Variants in NSMCE2 observed in about 807,000 individuals in gnomAD.
The protein encoded by NSMCE2 is E3 SUMO-protein ligase NSE2.
A neutral mutation model predicts 23.8 loss-of-function variants in NSMCE2; 24 were observed. The observed-to-expected ratio is 1.01, with a 90% CI of 0.73 to 1.42. The LOEUF is 1.42. Ranked by LOEUF, NSMCE2 falls within the 40% of genes most tolerant of loss-of-function variation. The probability of loss-of-function intolerance (pLI) is 0.00; values close to 1 mark genes in which losing one functional copy is unlikely to be tolerated. For missense variants in NSMCE2, 284 were observed against 296.5 expected (o/e 0.96, Z 0.31); for synonymous variants, 92 against 94.1 (o/e 0.98, Z 0.13).
chr8:125,231,267 CAGT>C (rs956802399), intron 5 of NSMCE2, among the ~76,000 whole-genome samples: 4 of 152,168 alleles, frequency 2.6e-5, no homozygotes, highest in Admixed American at 6.5e-5. Flanking sequence ...AATGAGGATT[CAGT>C]AGATGTGATT....
intron 5 of NSMCE2, among the ~76,000 whole-genome samples, chr8:125,235,711 A>C (rs1825516822): frequency 6.6e-6 from 1 of 152,206 alleles, no homozygotes; most frequent in Non-Finnish European, 1.5e-5. Flanking sequence ...TTTCATGTCA[A>C]ATTGTTTTAT....
chr8:125,321,793 G>T lies in NSMCE2; in HGVS notation c.419-35426G>T, dbSNP rs575462295. 2.7e-4 allele frequency among the ~76,000 whole-genome samples: 41 copies of T among 152,244 alleles called. No individual in the cohort carries two copies. The South Asian group carries it at 8.5e-3, about 32-fold the overall frequency. On this transcript the variant is annotated intron_variant, in intron 5 of 7. Transcript: ENST00000287437. The stretch of plus-strand genomic sequence containing the variant: ...AACAGAGCAAAAAAAGAAAAATCAG[G>T]CCAGGCACAGTGGCTCTTGCCTGTA...
intron 5 of NSMCE2, among the ~76,000 whole-genome samples, chr8:125,235,219 C>T (rs953298888): frequency 2.7e-5 from 4 of 149,398 alleles, no homozygotes; most frequent in Non-Finnish European, 5.9e-5. Flanking sequence ...CCAGCCTGAG[C>T]AACAGAGTGA....
At chr8:125,238,002 A>G (rs1163489797) in intron 5 of NSMCE2, among the ~76,000 whole-genome samples, 3 of 152,300 alleles carry the variant, frequency 2.0e-5, no homozygotes, top group East Asian at 1.9e-4. Context: ...CCACACCTGT[A>G]TGGATGAAGA....
intron 3 of NSMCE2, among the ~76,000 whole-genome samples, chr8:125,103,438 T>C (rs1586427900): frequency 6.6e-6 from 1 of 152,250 alleles, no homozygotes; most frequent in African/African-American, 2.4e-5. Context: ...TTGAGCAATT[T>C]GTGATGTGCC....
intron 5 of NSMCE2, among the ~76,000 whole-genome samples, chr8:125,309,101 G>T (rs1828872371): frequency 6.6e-6 from 1 of 152,168 alleles, no homozygotes; most frequent in Non-Finnish European, 1.5e-5. Flanking sequence ...AAAAAATTTA[G>T]TTGGGCATGG....
chr8:125,225,886 A>G (rs903861629), intron 5 of NSMCE2, among the ~76,000 whole-genome samples: 4 of 152,228 alleles, frequency 2.6e-5, no homozygotes, highest in African/African-American at 9.6e-5. Flanking sequence ...ATTTCCAGAT[A>G]CAATATTATC....
chr8:125,271,296 T>C (rs1449377159), intron 5 of NSMCE2, among the ~76,000 whole-genome samples: 2 of 148,840 alleles, frequency 1.3e-5, no homozygotes, highest in African/African-American at 4.9e-5. Flanking sequence ...AGTGATGAGG[T>C]AAGTAGTGAG....
chr8:125,244,533 G>T (rs1825884282), intron 5 of NSMCE2, among the ~76,000 whole-genome samples: 1 of 152,026 alleles, frequency 6.6e-6, no homozygotes, highest in Non-Finnish European at 1.5e-5. Flanking sequence ...ATTCGAATTG[G>T]CTTTTAAAAA....
chr8:125,344,611 C>T lies in NSMCE2; in HGVS notation c.419-12608C>T, dbSNP rs531788232. Among the ~76,000 whole-genome samples the T allele has an allele frequency of 1.6e-4, 24 of 152,030 alleles. No individual in the cohort carries two copies. In the South Asian group the frequency reaches 2.7e-3, roughly 17 times the overall value. ...TATAAAAATTAGCCAGGAGTGGTGG[C>T]ATGCACCTGTAATCCCAGCTACTTG... On this transcript the variant is annotated intron_variant, in intron 5 of 7. Coordinates refer to ENST00000287437, the MANE Select transcript of NSMCE2 (RefSeq NM_173685.4).
chr8:125,124,628 C>T (rs1819426591), intron 3 of NSMCE2, among the ~76,000 whole-genome samples: 1 of 152,014 alleles, frequency 6.6e-6, no homozygotes, highest in African/African-American at 2.4e-5. Flanking sequence ...TATAGGCTTG[C>T]ACCACCACAC....
chr8:125,325,721 G>A (rs1440128673), intron 5 of NSMCE2, among the ~76,000 whole-genome samples: 3 of 152,198 alleles, frequency 2.0e-5, no homozygotes, highest in African/African-American at 7.2e-5. Flanking sequence ...GAAGACCGAG[G>A]CAGGAGGATC....
chr8:125,200,128 A>G (rs553517317), intron 5 of NSMCE2, among the ~76,000 whole-genome samples: 3 of 152,166 alleles, frequency 2.0e-5, no homozygotes, highest in African/African-American at 4.8e-5. Context: ...TCTTTATCCA[A>G]TTTGCCAGTC....
At chr8:125,274,097 G>T (rs1344614544) in intron 5 of NSMCE2, among the ~76,000 whole-genome samples, 1 of 152,122 alleles carries the variant, frequency 6.6e-6, no homozygotes, top group East Asian at 1.9e-4. Flanking sequence ...TGAGACAAGG[G>T]CCTCTCAGAC....
chr8:125,296,695 C>T (rs1828342653), intron 5 of NSMCE2, among the ~76,000 whole-genome samples: 1 of 152,152 alleles, frequency 6.6e-6, no homozygotes, highest in Admixed American at 6.5e-5. Context: ...CGCACCCGGC[C>T]TGCTGTGGTA....
chr8:125,152,260 T>C (rs1052866112), intron 4 of NSMCE2, among the ~76,000 whole-genome samples: 1 of 152,234 alleles, frequency 6.6e-6, no homozygotes, highest in Non-Finnish European at 1.5e-5. Context: ...CCTGGTCTTA[T>C]GAATATTTCT....
intron 3 of NSMCE2, among the ~76,000 whole-genome samples, chr8:125,111,831 A>C (rs1818768428): frequency 6.6e-6 from 1 of 152,200 alleles, no homozygotes; most frequent in African/African-American, 2.4e-5. Context: ...AAATTACTTG[A>C]TAATTGGATA....
At chr8:125,304,637 A>G (rs1464917738) in intron 5 of NSMCE2, among the ~76,000 whole-genome samples, 1 of 152,030 alleles carries the variant, frequency 6.6e-6, no homozygotes, top group African/African-American at 2.4e-5. Flanking sequence ...CAGGCAGATC[A>G]TTTGAGGTCA....
rs888724233 is a variant in NSMCE2, at chr8:125,266,842, C to T, written c.418+84586C>T. On this transcript the variant is annotated intron_variant, in intron 5 of 7. Transcript: ENST00000287437. Reference sequence around the variant, plus strand: ...AGGAAACTTAGACCTTCAAATTGTACTCCAGTGTCTGTTAAAGAGGAAGAA... The same window carrying T: ...AGGAAACTTAGACCTTCAAATTGTATTCCAGTGTCTGTTAAAGAGGAAGAA... Among the ~76,000 whole-genome samples, 7 of 152,082 alleles carry T rather than the reference C, an allele frequency of 4.6e-5. No individual in the cohort carries two copies. In the South Asian group the frequency reaches 1.0e-3, roughly 22 times the overall value.
Sources: allele counts gnomAD v4.1 joint callset (sites outside exome capture counted in the v4.1 genomes callset), GRCh38; gene constraint gnomAD v4.1.1; transcripts MANE v1.5; gene names NCBI Gene and HGNC (gene_info 2026-07-23, HGNC 2026-07-21).